CDH4: variants seen among roughly 807,000 people sequenced by gnomAD.
The protein encoded by CDH4 is cadherin-4.
Under a neutral mutation model 86.0 loss-of-function variants are expected in CDH4, and 33 were observed. That is an observed-to-expected ratio of 0.38 (90% CI 0.29 to 0.51). CDH4 has a LOEUF of 0.51. CDH4 is among the 20% of genes least tolerant of loss of function. The pLI, the probability that CDH4 is intolerant of heterozygous loss-of-function variation, is 0.86. For synonymous variants in CDH4, 555 were observed against 549.4 expected (o/e 1.01, Z -0.14); for missense variants, 1,114 against 1,307.4 (o/e 0.85, Z 2.28).
Position 61,480,104 on chromosome 20 carries a change from A to G in CDH4, c.169+225167A>G, listed in dbSNP as rs1045692170. ...TTCTTCAACAAATACGGGATATAGGAATGGTAACTTTTTAATGTTCTTGGC... is the reference window on the plus strand; with the variant it reads ...TTCTTCAACAAATACGGGATATAGGGATGGTAACTTTTTAATGTTCTTGGC... On this transcript the variant is annotated intron_variant, in intron 2 of 15. Transcript: ENST00000614565. The surrounding 1 kb of genome is among the most constrained non-coding windows in gnomAD (Gnocchi z 5.2). Among the ~76,000 whole-genome samples the G allele has an allele frequency of 3.3e-5, 5 of 152,068 alleles. No homozygotes were observed. The highest frequency in any genetic ancestry group is 1.2e-4 in the African/African-American group (5 of 41,394).
At chr20:61,781,647 A>G (rs62204657) in intron 4 of CDH4, among the ~76,000 whole-genome samples, 26,671 of 152,078 alleles carry the variant, frequency 0.18, 2,510 homozygotes, top group East Asian at 0.34. Flanking sequence ...GTGGCCTAAC[A>G]TCTGTGTGAT....
chr20:61,699,240 G>A (rs923588396), intron 2 of CDH4, among the ~76,000 whole-genome samples: 2 of 152,232 alleles, frequency 1.3e-5, no homozygotes, highest in Non-Finnish European at 2.9e-5. Flanking sequence ...CACGGTGGCT[G>A]TAAATGCATT....
intron 2 of CDH4, among the ~76,000 whole-genome samples, chr20:61,691,575 A>T (rs914344149): frequency 6.6e-6 from 1 of 152,202 alleles, no homozygotes; most frequent in Non-Finnish European, 1.5e-5. Context: ...AGCTGATTTC[A>T]TCACCGTACA....
At chr20:61,720,826 C>G (rs2145912408) in intron 2 of CDH4, among the ~76,000 whole-genome samples, 1 of 152,268 alleles carries the variant, frequency 6.6e-6, no homozygotes, top group East Asian at 1.9e-4. Flanking sequence ...TGAATTGTCT[C>G]AAACACCCTG....
chr20:61,609,296 T>C (rs888157869), intron 2 of CDH4, among the ~76,000 whole-genome samples: 1 of 152,172 alleles, frequency 6.6e-6, no homozygotes, highest in Admixed American at 6.5e-5. Context: ...ACTTCATCTT[T>C]CCTGTTGCAG....
At chr20:61,894,100 G>T (rs1468798185) in intron 7 of CDH4, among the ~76,000 whole-genome samples, 1 of 152,134 alleles carries the variant, frequency 6.6e-6, no homozygotes, top group Non-Finnish European at 1.5e-5. Context: ...TGGTACTGGT[G>T]AGAGGCGGGC....
chr20:61,549,725 G>A (rs988922403), intron 2 of CDH4, among the ~76,000 whole-genome samples: 6 of 152,238 alleles, frequency 3.9e-5, no homozygotes, highest in African/African-American at 7.2e-5. Flanking sequence ...CAGAGATGCC[G>A]AGATTGCAGC....
intron 2 of CDH4, among the ~76,000 whole-genome samples, chr20:61,385,790 C>T (rs528395241): frequency 1.8e-4 from 28 of 152,114 alleles, no homozygotes; most frequent in African/African-American, 6.3e-4. Flanking sequence ...GCCGTACTCC[C>T]CTCCTGCCCA....
At chr20:61,467,712 A>T (rs920441963) in intron 2 of CDH4, among the ~76,000 whole-genome samples, 1 of 152,184 alleles carries the variant, frequency 6.6e-6, no homozygotes. Flanking sequence ...TGCTTTTTCC[A>T]TATCCATCAT....
intron 2 of CDH4, chr20:61,436,394 C>CG: frequency 6.6e-6 from 1 of 152,352 alleles, no homozygotes; most frequent in Non-Finnish European, 1.5e-5. Flanking sequence ...CCACAAGTCC[C>CG]GGGGGACCTT....
intron 2 of CDH4, among the ~76,000 whole-genome samples, chr20:61,673,516 A>G (rs944258): frequency 0.54 from 82,545 of 152,092 alleles, 22,738 homozygotes; most frequent in South Asian, 0.59. Flanking sequence ...TTCACCTTAG[A>G]TGAAATGTCA....
rs932345352 is a variant in CDH4 at position 61,442,287 on chromosome 20, G to A, written c.169+187350G>A. Among the ~76,000 whole-genome samples the A allele has an allele frequency of 5.9e-5, 9 of 152,284 alleles. No individual in the cohort carries two copies. In the East Asian group the frequency reaches 1.7e-3, roughly 29 times the overall value. On this transcript the variant is annotated intron_variant, in intron 2 of 15. Transcript: ENST00000614565. ...GTCCGAGGAAGGGCCGCATCACACC[G>A]GGTGTGGATGGAACCATGCCTCCCT...
At chr20:61,425,523 T>C (rs1327624951) in intron 2 of CDH4, among the ~76,000 whole-genome samples, 5 of 152,212 alleles carry the variant, frequency 3.3e-5, no homozygotes, top group African/African-American at 1.2e-4. Flanking sequence ...AGGTCGAGCC[T>C]AGGAGAAGGA....
chr20:61,278,882 A>G (rs1970546), intron 2 of CDH4, among the ~76,000 whole-genome samples: 109,627 of 152,164 alleles, frequency 0.72, 39,516 homozygotes, highest in Admixed American at 0.77. Flanking sequence ...ACTTCTCTTC[A>G]TAGGTGGCAA....
Position 61,565,368 on chromosome 20 carries a change from GGTGGTGGTC to G in CDH4, c.170-178194_170-178186del, listed in dbSNP as rs1490475913. On this transcript the variant is annotated intron_variant, in intron 2 of 15. Transcript: ENST00000614565. The stretch of plus-strand genomic sequence containing the variant: ...GTCCTCTTGGTGATGGGGTGATGGT[GGTGGTGGTC>G]CTCTTGGTGATGGGGTGATGGTGGT... Among the ~76,000 whole-genome samples the G allele has an allele frequency of 6.4e-4, 30 of 46,704 alleles. 6 individuals carry two copies. The highest frequency in any genetic ancestry group is 3.3e-3 in the African/African-American group (19 of 5,814). The allele number at this position is 46,704 out of a possible 152,430, so 30.6% of individuals were successfully genotyped here.
chr20:61,633,578 A>G (rs544129530), intron 2 of CDH4, among the ~76,000 whole-genome samples: 13 of 152,226 alleles, frequency 8.5e-5, no homozygotes, highest in Non-Finnish European at 1.8e-4. Context: ...ACCAAGTTCC[A>G]AAACATGTAA....
chr20:61,523,273 C>T (rs1278976360), intron 2 of CDH4, among the ~76,000 whole-genome samples: 1 of 152,266 alleles, frequency 6.6e-6, no homozygotes, highest in African/African-American at 2.4e-5. Context: ...CCAGGCGACT[C>T]CGTCTTTGGG....
chr20:61,489,875 A>G (rs563862314), intron 2 of CDH4, among the ~76,000 whole-genome samples: 3 of 152,316 alleles, frequency 2.0e-5, no homozygotes, highest in Admixed American at 6.5e-5. Context: ...CTACATCAGC[A>G]TTATTTGGGG....
chr20:61,659,610 AG>A (rs2087230148), intron 2 of CDH4, among the ~76,000 whole-genome samples: 1 of 146,102 alleles, frequency 6.8e-6, no homozygotes, highest in African/African-American at 2.6e-5. Flanking sequence ...GCTTGGAGGC[AG>A]GAGGAGGGTG....
Sources: gnomAD v4.1 joint callset for allele counts (sites outside exome capture counted in the v4.1 genomes callset) on GRCh38, gnomAD v4.1.1 for gene constraint, Gnocchi (gnomAD v3.1) non-coding constraint, MANE v1.5 for transcripts, NCBI Gene and HGNC (gene_info 2026-07-23, HGNC 2026-07-21) for gene names.